The following TMEM44 variants were observed in gnomAD, a reference collection of about 807,000 sequenced individuals.
The protein encoded by TMEM44 is transmembrane protein 44.
A neutral mutation model predicts 47.8 loss-of-function variants in TMEM44; 43 were observed. The ratio of observed to expected loss-of-function variants is 0.90; its 90% CI spans 0.70 to 1.16. The LOEUF (loss-of-function observed/expected upper bound fraction) is 1.16, where lower values mean the gene tolerates loss of function less well. Ranked by LOEUF, TMEM44 falls within the 50% of genes most tolerant of loss-of-function variation. The pLI, the probability that TMEM44 is intolerant of heterozygous loss-of-function variation, is 0.00. For missense variants in TMEM44, 568 were observed against 555.2 expected (o/e 1.02, Z -0.23); for synonymous variants, 277 against 238.8 (o/e 1.16, Z -1.48).
chr3:194,604,309 G>A lies in TMEM44; in HGVS notation c.1154C>T (p.Ser385Phe), dbSNP rs868460383. ...RVSSGSSSEV[S>F]SINSDLEWDP... Reference sequence around the variant, plus strand: ...TACCTCCAGGTCGGAGTTGATGGAGGAGACCTCAGAGGAGCTGCCGGAAGA... The same window carrying A: ...TACCTCCAGGTCGGAGTTGATGGAGAAGACCTCAGAGGAGCTGCCGGAAGA... Residue 385 changes from serine (S) to phenylalanine (F), a missense_variant, in exon 9 of 10, where the codon TCC (serine) becomes TTC (phenylalanine). Coordinates refer to ENST00000347147, the MANE Select transcript of TMEM44 (RefSeq NM_001011655.3). 1 of 1,580,914 alleles carries A rather than the reference G, an allele frequency of 6.3e-7. No homozygotes were observed. Among genetic ancestry groups the A allele is most frequent in the East Asian group, 2.3e-5 (1 of 42,602 alleles).
intron 9 of TMEM44, among the ~76,000 whole-genome samples, chr3:194,601,836 G>C (rs1714168293): frequency 6.6e-6 from 1 of 152,156 alleles, no homozygotes; most frequent in Non-Finnish European, 1.5e-5. Context: ...CAAGAAAACA[G>C]CCCAAATCAG....
chr3:194,628,688 C>A (rs766864656), intron 1 of TMEM44, among the ~76,000 whole-genome samples, 179 bp from the exon 2 acceptor site: 23 of 152,172 alleles, frequency 1.5e-4, no homozygotes, highest in Non-Finnish European at 2.9e-4. Flanking sequence ...TCCAGAGCCG[C>A]CTGTCCAGAT....
intron 5 of TMEM44, chr3:194,617,550 TC>T (rs1007594655): frequency 3.2e-6 from 2 of 625,552 alleles, no homozygotes; most frequent in Non-Finnish European, 5.7e-6. Flanking sequence ...CCCTAACGCA[TC>T]CCTCCAGCGG....
intron 9 of TMEM44, among the ~76,000 whole-genome samples, chr3:194,598,888 C>T (rs554890816): frequency 1.3e-4 from 19 of 146,322 alleles, no homozygotes; most frequent in Non-Finnish European, 2.2e-4. Flanking sequence ...CCCAGGCCCA[C>T]AGGCCCCGAC....
intron 5 of TMEM44, chr3:194,617,511 A>G: frequency 1.6e-6 from 1 of 610,948 alleles, no homozygotes; most frequent in East Asian, 2.8e-5. Flanking sequence ...ACTCCACCCT[A>G]AGGCGAGCAA....
intron 9 of TMEM44, among the ~76,000 whole-genome samples, chr3:194,601,903 G>A (rs1472407906): frequency 6.6e-6 from 1 of 152,200 alleles, no homozygotes; most frequent in African/African-American, 2.4e-5. Flanking sequence ...TACCTCAACT[G>A]AGGGTGGGCG....
At chr3:194,630,608 A>G (rs1226474220) in intron 1 of TMEM44, among the ~76,000 whole-genome samples, 23 of 88,340 alleles carry the variant, frequency 2.6e-4, no homozygotes, top group Admixed American at 4.5e-4. Context: ...GGCTGTTTCC[A>G]TCGGCGTCAC....
rs773894792 is a variant in TMEM44, at chr3:194,623,275, G to A, written c.561C>T (p.Ser187=). 1.2e-5 allele frequency: 19 copies of A among 1,611,566 alleles called. No homozygotes were observed. Among genetic ancestry groups the A allele is most frequent in the Middle Eastern group, 3.3e-4 (2 of 6,062 alleles). Residue 187 remains serine (S), a synonymous_variant, in exon 5 of 10, where the codon AGC becomes AGT. Transcript: ENST00000347147. ...AAGCCCAGGAGCCAAAGGCAGCAACGCTACCCAGCAGGTAGCCGAGGATCT... is the reference window on the plus strand; with the variant it reads ...AAGCCCAGGAGCCAAAGGCAGCAACACTACCCAGCAGGTAGCCGAGGATCT... ...NTEILGYLLG[S]VAAFGSWASR...
intron 8 of TMEM44, 112 bp from the exon 9 acceptor site, chr3:194,604,557 G>C: frequency 7.4e-7 from 1 of 1,350,646 alleles, no homozygotes; most frequent in Non-Finnish European, 9.8e-7. Context: ...GGGTGTGCAG[G>C]GCAGCATCTA....
At chr3:194,629,061 G>A (rs886827310) in intron 1 of TMEM44, among the ~76,000 whole-genome samples, 5 of 152,022 alleles carry the variant, frequency 3.3e-5, no homozygotes, top group African/African-American at 7.2e-5. Flanking sequence ...CTACTCCGGA[G>A]GCTGAGGCAA....
intron 2 of TMEM44, among the ~76,000 whole-genome samples, chr3:194,626,995 T>C (rs1717256993): frequency 2.0e-5 from 3 of 150,980 alleles, no homozygotes; most frequent in Admixed American, 6.6e-5. Flanking sequence ...GATCTCGGCT[T>C]ACTGCAACCT....
Position 194,623,562 on chromosome 3 carries a change from C to A in TMEM44, c.492G>T (p.Gly164=), listed in dbSNP as rs749448000. Residue 164 remains glycine, a synonymous_variant, in exon 4 of 10, where the codon GGG becomes GGT. Transcript: ENST00000347147. ...GGCTCGCTAGCAGCCTCCGCTGTGG[C>A]CCCCGGATGGTGGCTGAAGCCTTCG... The part of the protein sequence containing the change: ...AVPKASATIR[G]PQRRLLASLL... 6.2e-7 allele frequency: 1 copy of A among 1,606,884 alleles called. No individual in the cohort carries two copies.
At chr3:194,630,493 A>G (rs1232614902) in intron 1 of TMEM44, among the ~76,000 whole-genome samples, 2 of 14,316 alleles carry the variant, frequency 1.4e-4, no homozygotes, top group Non-Finnish European at 2.4e-4. Flanking sequence ...CCCCTGAAAT[A>G]GTATGCTGTC....
At chr3:194,606,582 C>T (rs1714800733) in intron 8 of TMEM44, among the ~76,000 whole-genome samples, 1 of 152,054 alleles carries the variant, frequency 6.6e-6, no homozygotes, top group Non-Finnish European at 1.5e-5. Flanking sequence ...GGATCTTGGG[C>T]AAGTTACTTA....
intron 6 of TMEM44, chr3:194,616,851 C>T (rs1242103962): frequency 1.1e-5 from 6 of 532,194 alleles, no homozygotes; most frequent in East Asian, 1.0e-4. Flanking sequence ...GCCAAGATCA[C>T]GCCACTGCAC....
chr3:194,593,422 T>G (rs2109149177), intron 9 of TMEM44, among the ~76,000 whole-genome samples: 1 of 152,274 alleles, frequency 6.6e-6, no homozygotes, highest in East Asian at 1.9e-4. Context: ...ATTAACCACA[T>G]GGCTGAGATG....
intron 7 of TMEM44, 81 bp downstream of exon 7, chr3:194,615,488 C>T (rs562662754): frequency 2.3e-5 from 35 of 1,542,934 alleles, no homozygotes; most frequent in East Asian, 1.4e-4. Flanking sequence ...CACGTCCGTC[C>T]GCAGTATCCT....
intron 6 of TMEM44, among the ~76,000 whole-genome samples, chr3:194,616,058 C>CTT (rs1226008321): frequency 6.8e-6 from 1 of 147,768 alleles, no homozygotes; most frequent in Non-Finnish European, 1.5e-5. Context: ...ATGTGACCCC[C>CTT]TTTTTTTTTT....
Position 194,616,434 on chromosome 3 carries a change from C to T in TMEM44, c.783+665G>A, listed in dbSNP as rs1308539673. On this transcript the variant is annotated intron_variant, in intron 6 of 9. Coordinates refer to ENST00000347147, the MANE Select transcript of TMEM44 (RefSeq NM_001011655.3). ...CATAGTGGATTGGACTGGGCCCTAA[C>T]TCCAACAGCTGGGGTCCCTATAAGA... is the stretch of plus-strand genomic sequence containing the variant. 3 of 382,924 alleles carry T rather than the reference C, an allele frequency of 7.8e-6. No individual in the cohort carries two copies. The East Asian group carries it at 2.2e-4, about 28-fold the overall frequency. 23.7% of individuals were successfully genotyped at this position (382,924 alleles called of 1,614,324 possible). A position where few individuals can be genotyped will look rare whatever the true frequency, so the allele number is the denominator to read the frequency against.
Sources: allele counts gnomAD v4.1 joint callset (sites outside exome capture counted in the v4.1 genomes callset), GRCh38; gene constraint gnomAD v4.1.1; transcripts MANE v1.5; gene names NCBI Gene and HGNC (gene_info 2026-07-23, HGNC 2026-07-21).